Variants in ARHGAP31 observed in about 807,000 individuals in gnomAD.
The protein encoded by ARHGAP31 is Rho GTPase activating protein 31.
In ARHGAP31, 34 loss-of-function variants were observed where a neutral mutation model predicts 113.9. The ratio of observed to expected loss-of-function variants is 0.30; its 90% CI spans 0.23 to 0.40. ARHGAP31 has a LOEUF of 0.40. Ranked by LOEUF, ARHGAP31 falls within the 10% of genes least tolerant of loss-of-function variation. The pLI is 1.00. For missense variants in ARHGAP31, 1,548 were observed against 1,767.1 expected (o/e 0.88, Z 2.22); for synonymous variants, 650 against 684.8 (o/e 0.95, Z 0.79).
At chr3:119,391,597 C>G (rs867481412) in intron 7 of ARHGAP31, among the ~76,000 whole-genome samples, 14 of 94,948 alleles carry the variant, frequency 1.5e-4, no homozygotes, top group Non-Finnish European at 2.3e-4. Flanking sequence ...CTACCCCCCC[C>G]TCCCCCCCGC....
intron 1 of ARHGAP31, among the ~76,000 whole-genome samples, chr3:119,305,481 C>T (rs2079623772): frequency 6.6e-6 from 1 of 152,188 alleles, no homozygotes; most frequent in Non-Finnish European, 1.5e-5. Flanking sequence ...TCAACTCTTC[C>T]ATATAAATCT....
intron 1 of ARHGAP31, among the ~76,000 whole-genome samples, chr3:119,312,818 G>C (rs886202489): frequency 5.3e-5 from 8 of 152,300 alleles, no homozygotes; most frequent in Non-Finnish European, 7.4e-5. Flanking sequence ...TTGAGCACTT[G>C]AATGTGGCTG....
At chr3:119,338,203 T>G (rs2079975808) in intron 1 of ARHGAP31, among the ~76,000 whole-genome samples, 1 of 152,206 alleles carries the variant, frequency 6.6e-6, no homozygotes, top group Non-Finnish European at 1.5e-5. Flanking sequence ...CTTGGAGAAC[T>G]CCTACTCATA....
chr3:119,319,940 G>A (rs1358543872), intron 1 of ARHGAP31, among the ~76,000 whole-genome samples: 1 of 152,180 alleles, frequency 6.6e-6, no homozygotes, highest in Admixed American at 6.5e-5. Context: ...ATCTCCCCTG[G>A]CAGGGGAAGA....
intron 1 of ARHGAP31, among the ~76,000 whole-genome samples, chr3:119,313,662 G>A (rs1301044023): frequency 6.6e-6 from 1 of 152,228 alleles, no homozygotes; most frequent in Non-Finnish European, 1.5e-5. Flanking sequence ...GAGGCTGAGA[G>A]CAGGGAAGAC....
intron 3 of ARHGAP31, among the ~76,000 whole-genome samples, chr3:119,380,496 C>T (rs1429732344): frequency 2.0e-5 from 3 of 152,158 alleles, no homozygotes; most frequent in Non-Finnish European, 2.9e-5. Flanking sequence ...AGCAATCCTC[C>T]CACCTCAGCC....
At chr3:119,350,920 A>G (rs1559976193) in intron 1 of ARHGAP31, among the ~76,000 whole-genome samples, 3 of 152,234 alleles carry the variant, frequency 2.0e-5, no homozygotes, top group South Asian at 2.1e-4. Context: ...ACTGGCAGAT[A>G]GAAACCGAAT....
At chr3:119,306,480 C>T (rs554602306) in intron 1 of ARHGAP31, among the ~76,000 whole-genome samples, 1 of 152,174 alleles carries the variant, frequency 6.6e-6, no homozygotes. Flanking sequence ...TTGCTTGAAC[C>T]TGGGAGGTGG....
At chr3:119,314,779 G>A (rs1356303227) in intron 1 of ARHGAP31, 1 of 152,184 alleles carries the variant, frequency 6.6e-6, no homozygotes, top group Non-Finnish European at 1.5e-5. Context: ...TCTAAAAGAG[G>A]GGTGAGAATT....
chr3:119,319,837 C>T (rs1000251060), intron 1 of ARHGAP31, among the ~76,000 whole-genome samples: 1 of 152,146 alleles, frequency 6.6e-6, no homozygotes, highest in African/African-American at 2.4e-5. Context: ...CTAGTGACAC[C>T]TCCCATTTCA....
intron 1 of ARHGAP31, among the ~76,000 whole-genome samples, chr3:119,345,218 C>T (rs1342791655): frequency 6.6e-6 from 1 of 152,038 alleles, no homozygotes; most frequent in Non-Finnish European, 1.5e-5. Flanking sequence ...GATCTCCTGA[C>T]CTCGTGATCC....
In ARHGAP31 at chr3:119,373,549, C is replaced by T. The variant is rs185151432; in HGVS notation, c.348+5033C>T. 2.3e-3 allele frequency among the ~76,000 whole-genome samples: 356 copies of T among 152,086 alleles called. 1 individual carries two copies. The highest frequency in any genetic ancestry group is 0.01 in the Middle Eastern group (3 of 294). On this transcript the variant is annotated intron_variant, in intron 3 of 11. Transcript: ENST00000264245. Reference sequence around the variant, plus strand: ...TGCGATCACGGCTCACTGCAGCCTCCCCCACCCGGGTTCAAGCAATTCTCC... The same window carrying T: ...TGCGATCACGGCTCACTGCAGCCTCTCCCACCCGGGTTCAAGCAATTCTCC...
chr3:119,337,866 A>G (rs947439325), intron 1 of ARHGAP31, among the ~76,000 whole-genome samples: 1 of 152,230 alleles, frequency 6.6e-6, no homozygotes, highest in African/African-American at 2.4e-5. Context: ...TCCTTTAGCT[A>G]GACAGAAAAG....
chr3:119,306,090 C>T (rs11918598), intron 1 of ARHGAP31, among the ~76,000 whole-genome samples: 32,008 of 152,070 alleles, frequency 0.21, 3,660 homozygotes, highest in African/African-American at 0.28. Context: ...TCTTGTTAAT[C>T]CTTGGGCAGC....
chr3:119,318,576 C>G (rs1393336265), intron 1 of ARHGAP31, among the ~76,000 whole-genome samples: 1 of 152,164 alleles, frequency 6.6e-6, no homozygotes, highest in Non-Finnish European at 1.5e-5. Flanking sequence ...TAATTTAATT[C>G]TGTTTCACAG....
At chr3:119,323,293 G>A (rs1488963902) in intron 1 of ARHGAP31, among the ~76,000 whole-genome samples, 1 of 151,988 alleles carries the variant, frequency 6.6e-6, no homozygotes, top group Admixed American at 6.5e-5. Context: ...GGAAACCCCA[G>A]GGACAGCCGC....
chr3:119,413,048 G>A (rs1433105895), intron 11 of ARHGAP31, among the ~76,000 whole-genome samples: 1 of 151,904 alleles, frequency 6.6e-6, no homozygotes, highest in Non-Finnish European at 1.5e-5. Context: ...CGGGCATGGT[G>A]GCTCACACCT....
intron 1 of ARHGAP31, among the ~76,000 whole-genome samples, chr3:119,327,667 A>G (rs2079857918): frequency 6.6e-6 from 1 of 152,128 alleles, no homozygotes; most frequent in Admixed American, 6.5e-5. Context: ...CAGTTCATGT[A>G]TATTTTATCT....
intron 1 of ARHGAP31, among the ~76,000 whole-genome samples, chr3:119,303,247 C>T (rs564263843): frequency 6.6e-5 from 10 of 152,276 alleles, no homozygotes; most frequent in African/African-American, 2.4e-4. Flanking sequence ...TTGTGCCCTT[C>T]TAGGAAGCTC....
Sources: allele counts gnomAD v4.1 joint callset (sites outside exome capture counted in the v4.1 genomes callset), GRCh38; gene constraint gnomAD v4.1.1; transcripts MANE v1.5; gene names NCBI Gene and HGNC (gene_info 2026-07-23, HGNC 2026-07-21).